Variants in UBA3 observed in about 807,000 individuals in gnomAD.
UBA3 encodes NEDD8-activating enzyme E1 catalytic subunit.
A neutral mutation model predicts 73.5 loss-of-function variants in UBA3; 26 were observed. The ratio of observed to expected loss-of-function variants is 0.35; its 90% CI spans 0.26 to 0.49. The LOEUF is 0.49. UBA3 is among the 20% of genes least tolerant of loss of function. The probability of loss-of-function intolerance (pLI) is 0.98; values close to 1 mark genes in which losing one functional copy is unlikely to be tolerated. For missense variants in UBA3, 495 were observed against 555.6 expected, an observed-to-expected ratio of 0.89 and a Z score of 1.10; for synonymous variants, 217 against 191.2, an observed-to-expected ratio of 1.13 and a Z score of -1.11.
At position 69,055,893 on chromosome 3, in the gene UBA3, T is replaced by C. The variant is rs1394223577; in HGVS notation, c.1261A>G (p.Ile421Val). The change falls in exon 17 of 18, where the codon ATT becomes GTT. Residue 421 changes from isoleucine (I) to valine (V), a missense_variant. Ile to Val is a conservative substitution (Grantham distance 29, BLOSUM62 3). Transcript: ENST00000361055. ...AGATTTGGCCTTGTTCGTTCTTCAA[T>C]AGAGGTTACCGACTAGAAAACAAAA... ...RTLYLQSVTS[I>V]EERTRPNLSK... 1.9e-6 allele frequency: 3 copies of C among 1,612,882 alleles called. No individual in the cohort carries two copies. The highest frequency in any genetic ancestry group is 1.1e-5 in the South Asian group (1 of 90,944).
At chr3:69,080,070 G>C (rs376015048) in intron 2 of UBA3, 42 bp downstream of exon 2, 24 of 1,585,802 alleles carry the variant, frequency 1.5e-5, no homozygotes, top group East Asian at 2.3e-5. Flanking sequence ...GGGGGGAGGC[G>C]GGGGTCCCCG....
intron 5 of UBA3, among the ~76,000 whole-genome samples, chr3:69,069,234 C>G (rs1376630844): frequency 6.6e-6 from 1 of 152,106 alleles, no homozygotes; most frequent in African/African-American, 2.4e-5. Flanking sequence ...ACAGTAAATA[C>G]TTTTAAAATA....
chr3:69,056,074 T>G lies in UBA3; in HGVS notation c.1185-11A>C, dbSNP rs1327320673. The G allele has an allele frequency of 6.3e-7, 1 of 1,592,340 alleles. No homozygotes were observed. Among genetic ancestry groups the G allele is most frequent in the Admixed American group, 1.9e-5 (1 of 53,902 alleles). On this transcript the variant is annotated splice_polypyrimidine_tract_variant and intron_variant, in intron 15 of 17. Coordinates refer to ENST00000361055, the MANE Select transcript of UBA3 (RefSeq NM_003968.4). ...GGAGATTTCATTTGCCTAAAGATTA[T>G]GATGAGAGAGAAGTATCAAACATAA... is the stretch of plus-strand genomic sequence containing the variant.
chr3:69,056,490 T>C (rs1458535613), intron 14 of UBA3, 122 bp downstream of exon 14: 2 of 903,536 alleles, frequency 2.2e-6, no homozygotes, highest in Non-Finnish European at 3.3e-6. Context: ...AAGCAAAAGA[T>C]ATATAATAAG....
chr3:69,055,379 T>C lies in UBA3; in HGVS notation c.*58A>G. 3 of 1,173,874 alleles carry C rather than the reference T, an allele frequency of 2.6e-6. No individual in the cohort carries two copies. The highest frequency in any genetic ancestry group is 3.5e-6 in the Non-Finnish European group (3 of 861,852). 72.7% of individuals were successfully genotyped at this position (1,173,874 alleles called of 1,614,324 possible). On this transcript the variant is annotated 3_prime_UTR_variant, in exon 18 of 18. Transcript: ENST00000361055. The stretch of plus-strand genomic sequence containing the variant: ...TGCTAAAAATGACATCGATTCAACT[T>C]CTTAGCATCCACAAAGTATATTATT...
rs117173932 is a variant in UBA3 at position 69,075,553 on chromosome 3, G to T, written c.184-43C>A. 6.4e-4 allele frequency: 826 copies of T among 1,285,604 alleles called. 7 individuals are homozygous for T. The East Asian group carries it at 0.018, about 28-fold the overall frequency. 79.6% of individuals were successfully genotyped at this position (1,285,604 alleles called of 1,614,324 possible). On this transcript the variant is annotated intron_variant, in intron 3 of 17. Coordinates refer to ENST00000361055, the MANE Select transcript of UBA3 (RefSeq NM_003968.4). ...GCATATTAAAAGCTGGGTGATAACC[G>T]CAAAGACTATAAATAAAGCAACAAA... is the stretch of plus-strand genomic sequence containing the variant.
intron 5 of UBA3, among the ~76,000 whole-genome samples, chr3:69,068,975 T>C (rs973075041): frequency 1.3e-5 from 2 of 152,226 alleles, no homozygotes; most frequent in African/African-American, 4.8e-5. Context: ...AGGTCACTCT[T>C]AAAACAATAA....
intron 2 of UBA3, among the ~76,000 whole-genome samples, chr3:69,078,138 C>G (rs975133208): frequency 6.6e-6 from 1 of 152,136 alleles, no homozygotes; most frequent in Admixed American, 6.5e-5. Flanking sequence ...TTATTTCACC[C>G]AATGGATGAA....
intron 11 of UBA3, among the ~76,000 whole-genome samples, chr3:69,060,824 C>G (rs944443189): frequency 1.3e-5 from 2 of 152,290 alleles, no homozygotes; most frequent in African/African-American, 2.4e-5. Context: ...TTAAAAGAAG[C>G]CTGGTATTCC....
At position 69,077,881 on chromosome 3, in the gene UBA3, A is replaced by G. The variant is rs1246969795; in HGVS notation, c.100T>C (p.Trp34Arg). The change falls in exon 3 of 18, where the codon TGG becomes CGG. Residue 34 changes from tryptophan (W) to arginine (R), a missense_variant. Transcript: ENST00000361055. ...VDGGCGDTGDWEGRWNHVKKF... is the reference protein window; with the variant it reads ...VDGGCGDTGDREGRWNHVKKF... ...TTTACATGGTTCCAGCGACCTTCCC[A>G]GTCTCCAGTGTCCCCACACCCACCA... The G allele has an allele frequency of 5.0e-6, 8 of 1,614,152 alleles. No homozygotes were observed. The highest frequency in any genetic ancestry group is 1.7e-5 in the Admixed American group (1 of 60,020).
intron 8 of UBA3, 70 bp from the exon 9 acceptor site, chr3:69,063,207 AG>A: frequency 6.3e-7 from 1 of 1,580,890 alleles, no homozygotes; most frequent in Non-Finnish European, 8.6e-7. Flanking sequence ...TATGCTTTCA[AG>A]TAATCCTATG....
At chr3:69,080,239 G>GGGGGGGT in intron 1 of UBA3, 86 bp from the exon 2 acceptor site, 1 of 1,518,074 alleles carries the variant, frequency 6.6e-7, no homozygotes, top group Non-Finnish European at 8.9e-7. Context: ...GGGGCGGGGG[G>GGGGGGGT]TGTGGGGACC....
Position 69,061,819 on chromosome 3 carries a change from G to T in UBA3, c.905C>A (p.Thr302Asn). ...ATGACAATTTGCTGACTTACCTTGA[G>T]TGAGCCTATACGTAACACCCCTAAT... ...YNIRGVTYRL[T>N]QGVVKRIIPA... The change falls in exon 11 of 18, where the codon ACT becomes AAT. Residue 302 changes from threonine (T) to asparagine (N), a missense_variant. Physicochemically the swap from Thr to Asn is moderately conservative, Grantham distance 65. Transcript: ENST00000361055. The T allele has an allele frequency of 6.3e-7, 1 of 1,585,070 alleles. No homozygotes were observed. Among genetic ancestry groups the T allele is most frequent in the Non-Finnish European group, 8.6e-7 (1 of 1,167,240 alleles).
At chr3:69,065,818 T>C (rs1167949506) in intron 6 of UBA3, among the ~76,000 whole-genome samples, 6 of 152,204 alleles carry the variant, frequency 3.9e-5, no homozygotes, top group Non-Finnish European at 8.8e-5. Context: ...GACTGGCTTT[T>C]TTTTTTTAGT....
intron 12 of UBA3, 56 bp from the exon 13 acceptor site, chr3:69,056,871 AAGTC>A: frequency 6.4e-7 from 1 of 1,561,144 alleles, no homozygotes; most frequent in Non-Finnish European, 8.7e-7. Flanking sequence ...GGCATGTTAA[AAGTC>A]AGTTATAAAT....
chr3:69,079,045 A>T (rs1378066135), intron 2 of UBA3, among the ~76,000 whole-genome samples: 1 of 152,240 alleles, frequency 6.6e-6, no homozygotes, highest in Non-Finnish European at 1.5e-5. Flanking sequence ...TTTTTACAAA[A>T]GGGACCAAGA....
intron 5 of UBA3, 98 bp downstream of exon 5, chr3:69,071,437 C>A: frequency 1.5e-6 from 1 of 658,750 alleles, no homozygotes; most frequent in Non-Finnish European, 2.5e-6. Context: ...TAGTATTATC[C>A]TCTCAAGTCA....
chr3:69,065,814 CT>C (rs528732611), intron 6 of UBA3, among the ~76,000 whole-genome samples: 298 of 144,396 alleles, frequency 2.1e-3, no homozygotes, highest in African/African-American at 2.9e-3. Flanking sequence ...TTGAGACTGG[CT>C]TTTTTTTTTT....
intron 12 of UBA3, 103 bp from the exon 13 acceptor site, chr3:69,056,918 A>G: frequency 7.8e-7 from 1 of 1,274,180 alleles, no homozygotes; most frequent in Non-Finnish European, 1.1e-6. Flanking sequence ...GCTCTTCATT[A>G]AAAAATACAT....
Sources: gnomAD v4.1 joint callset for allele counts (sites outside exome capture counted in the v4.1 genomes callset) on GRCh38, gnomAD v4.1.1 for gene constraint, MANE v1.5 for transcripts, NCBI Gene and HGNC (gene_info 2026-07-23, HGNC 2026-07-21) for gene names.